The following TBC1D4 variants were observed in gnomAD, a reference collection of about 807,000 sequenced individuals.
TBC1D4 encodes TBC (Tre-2, BUB2, CDC16) domain-containing protein.
In TBC1D4, 121 loss-of-function variants were observed where a neutral mutation model predicts 142.5. The ratio of observed to expected loss-of-function variants is 0.85; its 90% CI spans 0.73 to 0.99. The LOEUF (loss-of-function observed/expected upper bound fraction) is 0.99. Ranked by LOEUF, TBC1D4 falls within the 50% of genes least tolerant of loss-of-function variation. TBC1D4 has a pLI of 0.00. For synonymous variants in TBC1D4, 630 were observed against 628.2 expected, an observed-to-expected ratio of 1.00 and a Z score of -0.04; for missense variants, 1,475 against 1,606.6, an observed-to-expected ratio of 0.92 and a Z score of 1.40.
chr13:75,480,875 A>ACG (rs373940939), intron 1 of TBC1D4, among the ~76,000 whole-genome samples: 7 of 105,798 alleles, frequency 6.6e-5, no homozygotes, highest in East Asian at 2.7e-4. Flanking sequence ...GCGCACACGC[A>ACG]CGCACACACA....
In TBC1D4 at chr13:75,478,776, T is replaced by C. The variant is rs529936092; in HGVS notation, c.498+2494A>G. ...AGGATGGTCCCAGCTTCCCCTACTA[T>C]GACAGCCATATCAAATGAACCTGGA... On this transcript the variant is annotated intron_variant, in intron 1 of 20. Transcript: ENST00000377636. Among the ~76,000 whole-genome samples, 19 of 152,302 alleles carry C rather than the reference T, an allele frequency of 1.2e-4. No individual in the cohort carries two copies. The South Asian group carries it at 2.3e-3, about 18-fold the overall frequency.
At chr13:75,352,319 T>C (rs1489777560) in intron 4 of TBC1D4, among the ~76,000 whole-genome samples, 1 of 152,200 alleles carries the variant, frequency 6.6e-6, no homozygotes, top group Non-Finnish European at 1.5e-5. Context: ...TCATTTCTAA[T>C]GAAATACCAT....
intron 1 of TBC1D4, among the ~76,000 whole-genome samples, chr13:75,424,114 A>C (rs1402296278): frequency 6.6e-6 from 1 of 152,154 alleles, no homozygotes; most frequent in East Asian, 1.9e-4. Flanking sequence ...CAATTTAAAA[A>C]TTCAAAAAAC....
At chr13:75,411,288 C>T (rs1019296389) in intron 1 of TBC1D4, among the ~76,000 whole-genome samples, 1 of 152,138 alleles carries the variant, frequency 6.6e-6, no homozygotes, top group African/African-American at 2.4e-5. Flanking sequence ...CTAGTTACCA[C>T]TTAGTATGAA....
chr13:75,397,624 C>A (rs75150542), intron 1 of TBC1D4, among the ~76,000 whole-genome samples: 3 of 152,094 alleles, frequency 2.0e-5, no homozygotes, highest in East Asian at 3.9e-4. Flanking sequence ...TTTTGATTTG[C>A]TTTGCTTTTT....
intron 3 of TBC1D4, 40 bp from the exon 4 acceptor site, chr13:75,356,291 A>C (rs1425308016): frequency 1.7e-5 from 24 of 1,374,368 alleles, no homozygotes; most frequent in Non-Finnish European, 2.3e-5. Context: ...ATGTATGGGA[A>C]TATATATTTT....
intron 1 of TBC1D4, among the ~76,000 whole-genome samples, chr13:75,419,676 C>T (rs1886081174): frequency 1.3e-5 from 2 of 152,166 alleles, no homozygotes; most frequent in African/African-American, 4.8e-5. Context: ...GTGGGCATCA[C>T]ACATTAACTG....
intron 1 of TBC1D4, among the ~76,000 whole-genome samples, chr13:75,411,868 T>C (rs759280098): frequency 2.0e-5 from 3 of 152,058 alleles, no homozygotes; most frequent in East Asian, 3.9e-4. Flanking sequence ...CTGAAGACAC[T>C]TGGGGTTCAA....
intron 1 of TBC1D4, among the ~76,000 whole-genome samples, chr13:75,377,697 A>G (rs1332231862): frequency 7.3e-6 from 1 of 137,506 alleles, no homozygotes; most frequent in Non-Finnish European, 1.6e-5. Flanking sequence ...TCTTTTAAAT[A>G]TATATTATAT....
At position 75,302,394 on chromosome 13, in the gene TBC1D4, G is replaced by A; in HGVS notation, c.2760C>T (p.Pro920=). 1 of 1,614,010 alleles carries A rather than the reference G, an allele frequency of 6.2e-7. No individual in the cohort carries two copies. The highest frequency in any genetic ancestry group is 8.5e-7 in the Non-Finnish European group (1 of 1,179,994). ...DIHTLLKEGV[P]KSRRGEIWQF... is the part of the protein sequence containing the mutation. ...GCCAAATTTCTCCTCGTCGACTTTT[G>A]GGAACTCCTACAATGAAGGAGATAA... Residue 920 remains proline, a synonymous_variant, in exon 16 of 21, where the codon CCC becomes CCT. Transcript: ENST00000377636.
chr13:75,407,958 CA>C (rs761901297), intron 1 of TBC1D4, among the ~76,000 whole-genome samples: 18 of 152,044 alleles, frequency 1.2e-4, no homozygotes, highest in Non-Finnish European at 2.5e-4. Flanking sequence ...ATATTTTTAA[CA>C]GCTTTATTAA....
intron 1 of TBC1D4, among the ~76,000 whole-genome samples, chr13:75,462,172 T>C (rs1887996987): frequency 6.6e-6 from 1 of 152,060 alleles, no homozygotes; most frequent in Non-Finnish European, 1.5e-5. Flanking sequence ...CATTATTATA[T>C]TATTATTATT....
At chr13:75,422,454 G>A (rs550332916) in intron 1 of TBC1D4, among the ~76,000 whole-genome samples, 22 of 152,194 alleles carry the variant, frequency 1.4e-4, no homozygotes, top group East Asian at 1.4e-3. Flanking sequence ...GCAAAAAGTC[G>A]TTAACTATGC....
intron 1 of TBC1D4, among the ~76,000 whole-genome samples, chr13:75,399,388 C>A (rs1884964625): frequency 6.6e-6 from 1 of 152,162 alleles, no homozygotes; most frequent in African/African-American, 2.4e-5. Context: ...TAACCAACTG[C>A]CCCACATCCA....
chr13:75,404,511 G>C (rs553401255), intron 1 of TBC1D4, among the ~76,000 whole-genome samples: 3 of 152,036 alleles, frequency 2.0e-5, no homozygotes, highest in Admixed American at 2.0e-4. Context: ...GTTCTCAAGA[G>C]GCATTTTTTT....
In TBC1D4 at chr13:75,341,138, C is replaced by T; in HGVS notation, c.1598G>A (p.Gly533Glu). 2 of 1,613,238 alleles carry T rather than the reference C, an allele frequency of 1.2e-6. No individual in the cohort carries two copies. Among genetic ancestry groups the T allele is most frequent in the Non-Finnish European group, 1.7e-6 (2 of 1,179,764 alleles). The change falls in exon 7 of 21, where the codon GGG becomes GAG. Residue 533 changes from glycine to glutamate, a missense_variant. Transcript: ENST00000377636. ...ATATCTTCTCACAGAAGGGCCTTCC[C>T]CGATGTGCACGTGTGTCTTCTGCTT... The part of the protein sequence containing the change: ...EAKQKTHVHI[G>E]EGPSTISNST...
At chr13:75,392,414 C>T (rs1323479669) in intron 1 of TBC1D4, among the ~76,000 whole-genome samples, 2 of 152,262 alleles carry the variant, frequency 1.3e-5, no homozygotes, top group African/African-American at 4.8e-5. Flanking sequence ...AGAGAAGACC[C>T]TCACAGCAGA....
Position 75,384,561 on chromosome 13 carries a change from GA to G in TBC1D4, c.499-21955del, listed in dbSNP as rs11452903. 6.2e-3 allele frequency among the ~76,000 whole-genome samples: 804 copies of G among 130,158 alleles called. 9 individuals are homozygous for G. Among genetic ancestry groups the G allele is most frequent in the African/African-American group, 0.02 (680 of 34,586 alleles). 85.4% of individuals were successfully genotyped at this position (130,158 alleles called of 152,430 possible). ...AATTTGGGAACCAGAAAAGATAAAG[GA>G]AAAAAAAAAAGTTTCTTTAAAAAAA... On this transcript the variant is annotated intron_variant, in intron 1 of 20. Transcript: ENST00000377636.
chr13:75,394,717 CATTG>C (rs540571122), intron 1 of TBC1D4, among the ~76,000 whole-genome samples: 9 of 152,184 alleles, frequency 5.9e-5, no homozygotes, highest in Non-Finnish European at 1.3e-4. Context: ...TTCATTTGTT[CATTG>C]TTACTTCTCA....
Sources: gnomAD v4.1 joint callset for allele counts (sites outside exome capture counted in the v4.1 genomes callset) on GRCh38, gnomAD v4.1.1 for gene constraint, MANE v1.5 for transcripts, NCBI Gene and HGNC (gene_info 2026-07-23, HGNC 2026-07-21) for gene names.